The following ULK4 variants were observed in gnomAD, a reference collection of about 807,000 sequenced individuals.
ULK4 encodes the protein unc-51 like kinase 4.
ULK4 carries 133 observed loss-of-function variants against 160.6 expected under a neutral mutation model. The observed-to-expected ratio is 0.83, with a 90% CI of 0.72 to 0.96. ULK4 has a LOEUF of 0.96. ULK4 is among the 40% of genes least tolerant of loss of function. The pLI is 0.00. For synonymous variants in ULK4, 534 were observed against 539.8 expected, an observed-to-expected ratio of 0.99 and a Z score of 0.15; for missense variants, 1,580 against 1,499.5, an observed-to-expected ratio of 1.05 and a Z score of -0.89.
chr3:41,890,681 A>C (rs1051474182), intron 16 of ULK4, among the ~76,000 whole-genome samples: 8 of 137,988 alleles, frequency 5.8e-5, no homozygotes, highest in African/African-American at 2.2e-4. Context: ...TCTGTCTCAA[A>C]ATAAACAGAA....
intron 34 of ULK4, among the ~76,000 whole-genome samples, chr3:41,451,176 T>C (rs1312805852): frequency 1.3e-5 from 2 of 152,094 alleles, no homozygotes; most frequent in Non-Finnish European, 2.9e-5. Context: ...AACTGGACCC[T>C]GTGCTTTTAC....
At chr3:41,446,221 A>G (rs1426441420) in intron 34 of ULK4, among the ~76,000 whole-genome samples, 2 of 152,184 alleles carry the variant, frequency 1.3e-5, no homozygotes, top group African/African-American at 4.8e-5. Flanking sequence ...AAAAGTCAGG[A>G]AACAACAGGT....
rs201077096 is a variant in ULK4, at chr3:41,427,839, C to CATTCCCCTTAAAAA, written c.3492+27644_3492+27657dup. On this transcript the variant is annotated intron_variant, in intron 34 of 36. Transcript: ENST00000301831. ...ATACTAAATGGGCAAAAGCTGGAAG[C>CATTCCCCTTAAAAA]ATTCCCCTTAAAAACTGGCACAAGA... is the stretch of plus-strand genomic sequence containing the variant. 9.3e-3 allele frequency among the ~76,000 whole-genome samples: 1,417 copies of CATTCCCCTTAAAAA among 152,254 alleles called. 13 individuals carry two copies. Among genetic ancestry groups the CATTCCCCTTAAAAA allele is most frequent in the East Asian group, 0.016 (81 of 5,184 alleles).
intron 22 of ULK4, among the ~76,000 whole-genome samples, chr3:41,721,874 C>T (rs1000603744): frequency 6.6e-6 from 1 of 152,194 alleles, no homozygotes; most frequent in Admixed American, 6.5e-5. Flanking sequence ...ACCAACAGTA[C>T]TCCAGCAGTA....
At chr3:41,853,617 C>T (rs1043599978) in intron 17 of ULK4, among the ~76,000 whole-genome samples, 1 of 152,194 alleles carries the variant, frequency 6.6e-6, no homozygotes, top group Admixed American at 6.5e-5. Flanking sequence ...TCAAGACAGG[C>T]ACTACTGAAA....
chr3:41,506,767 A>AAAAAAAAAAAAATATATATATATATAT, intron 32 of ULK4, among the ~76,000 whole-genome samples: 1 of 56,766 alleles, frequency 1.8e-5, no homozygotes, highest in African/African-American at 8.2e-5. Context: ...TGTGATTTAA[A>AAAAAAAAAAAAATATATATATATATAT]ATATATATAT....
intron 35 of ULK4, among the ~76,000 whole-genome samples, chr3:41,320,691 C>T (rs1202550031): frequency 4.4e-5 from 5 of 113,882 alleles, no homozygotes; most frequent in Non-Finnish European, 7.3e-5. Context: ...CTGAGGCAGG[C>T]GGATTACTTG....
At chr3:41,531,060 C>A (rs2086291962) in intron 32 of ULK4, among the ~76,000 whole-genome samples, 1 of 150,964 alleles carries the variant, frequency 6.6e-6, no homozygotes, top group South Asian at 2.1e-4. Context: ...CCGCGCCCGG[C>A]CCAAAATGAA....
chr3:41,953,312 T>C (rs1175792458), intron 2 of ULK4, among the ~76,000 whole-genome samples: 14 of 40,130 alleles, frequency 3.5e-4, no homozygotes, highest in African/African-American at 6.2e-4. Context: ...ATATTTTTTT[T>C]TTTTTTTGAG....
intron 17 of ULK4, among the ~76,000 whole-genome samples, chr3:41,874,804 A>G (rs1697239771): frequency 1.3e-5 from 2 of 152,230 alleles, no homozygotes; most frequent in Admixed American, 1.3e-4. Context: ...TCACCATTAT[A>G]CAACTCATCC....
intron 35 of ULK4, among the ~76,000 whole-genome samples, chr3:41,374,025 T>C (rs1412773244): frequency 6.6e-6 from 1 of 152,030 alleles, no homozygotes; most frequent in Non-Finnish European, 1.5e-5. Flanking sequence ...GCAAATAAAC[T>C]AGACAATCTA....
intron 27 of ULK4, among the ~76,000 whole-genome samples, chr3:41,682,514 G>C (rs1391234088): frequency 6.6e-6 from 1 of 152,162 alleles, no homozygotes; most frequent in Non-Finnish European, 1.5e-5. Flanking sequence ...TGATAAAAGA[G>C]CAGGAGAATC....
intron 31 of ULK4, among the ~76,000 whole-genome samples, chr3:41,604,576 T>C (rs7642694): frequency 0.34 from 50,939 of 151,924 alleles, 8,730 homozygotes; most frequent in African/African-American, 0.4. Flanking sequence ...ATATTCATAA[T>C]ACACCAAACA....
chr3:41,266,534 G>C (rs750253840), intron 35 of ULK4, among the ~76,000 whole-genome samples: 4 of 152,070 alleles, frequency 2.6e-5, no homozygotes, highest in Admixed American at 6.5e-5. Context: ...CTCACGCACA[G>C]GCTGTTTGGC....
At chr3:41,287,620 C>G (rs894892277) in intron 35 of ULK4, among the ~76,000 whole-genome samples, 3 of 152,188 alleles carry the variant, frequency 2.0e-5, no homozygotes, top group African/African-American at 7.2e-5. Flanking sequence ...CCTTTCACCC[C>G]TGGGGCATTA....
At chr3:41,522,264 C>T (rs948423248) in intron 32 of ULK4, among the ~76,000 whole-genome samples, 6 of 151,496 alleles carry the variant, frequency 4.0e-5, no homozygotes, top group Admixed American at 2.6e-4. Flanking sequence ...CCTGTAATCT[C>T]ATGCAGTTGG....
chr3:41,842,802 AAC>A (rs2041968374), intron 17 of ULK4, among the ~76,000 whole-genome samples: 1 of 152,256 alleles, frequency 6.6e-6, no homozygotes, highest in South Asian at 2.1e-4. Flanking sequence ...AAAACAGGCT[AAC>A]ACAGGCATTA....
intron 32 of ULK4, among the ~76,000 whole-genome samples, chr3:41,492,309 T>G (rs2084805075): frequency 6.6e-6 from 1 of 152,180 alleles, no homozygotes; most frequent in Admixed American, 6.5e-5. Flanking sequence ...ATCGCCACAC[T>G]GACTTCCACA....
intron 19 of ULK4, among the ~76,000 whole-genome samples, chr3:41,802,706 G>C (rs1268596323): frequency 1.3e-5 from 2 of 152,072 alleles, no homozygotes; most frequent in Non-Finnish European, 2.9e-5. Context: ...GAGAATACTA[G>C]ATTATTCTGG....
Sources: gnomAD v4.1 joint callset for allele counts (sites outside exome capture counted in the v4.1 genomes callset) on GRCh38, gnomAD v4.1.1 for gene constraint, MANE v1.5 for transcripts, NCBI Gene and HGNC (gene_info 2026-07-23, HGNC 2026-07-21) for gene names.